Variants in NAV2 observed in about 807,000 individuals in gnomAD.
The protein encoded by NAV2 is neuron navigator 2.
A neutral mutation model predicts 223.2 loss-of-function variants in NAV2; 54 were observed. The observed-to-expected ratio is 0.24, with a 90% confidence interval of 0.19 to 0.30. The LOEUF (loss-of-function observed/expected upper bound fraction) is 0.30. Among genes scored for constraint, NAV2 ranks in the 10% least tolerant of loss-of-function variants. NAV2 has a pLI of 1.00. For synonymous variants in NAV2, 1,279 were observed against 1,239.3 expected, an observed-to-expected ratio of 1.03 and a Z score of -0.67; for missense variants, 2,806 against 3,147.5, an observed-to-expected ratio of 0.89 and a Z score of 2.60.
chr11:19,748,008 C>T (rs1358101554), intron 1 of NAV2, among the ~76,000 whole-genome samples: 1 of 152,160 alleles, frequency 6.6e-6, no homozygotes, highest in Admixed American at 6.6e-5. Flanking sequence ...GGCAGTTGAG[C>T]ATGGCATTAG....
At chr11:20,010,557 T>C (rs778204770) in intron 11 of NAV2, among the ~76,000 whole-genome samples, 2 of 152,192 alleles carry the variant, frequency 1.3e-5, no homozygotes, top group Non-Finnish European at 2.9e-5. Context: ...CCTCTCTGTC[T>C]CTTGGATTCC....
At chr11:19,413,190 G>A (rs1850219809) in intron 1 of NAV2, among the ~76,000 whole-genome samples, 2 of 152,132 alleles carry the variant, frequency 1.3e-5, no homozygotes, top group South Asian at 4.1e-4. Flanking sequence ...AAAAAGGTTA[G>A]AGGAATTGGT....
At chr11:20,055,704 C>T (rs2153612006) in intron 18 of NAV2, 65 bp from the exon 19 acceptor site, 5 of 1,447,150 alleles carry the variant, frequency 3.5e-6, no homozygotes, top group South Asian at 1.3e-5. Flanking sequence ...TTCTCTTTGT[C>T]CCCAACCAGG....
intron 1 of NAV2, among the ~76,000 whole-genome samples, chr11:19,547,929 C>T (rs745710129): frequency 1.2e-4 from 19 of 152,242 alleles, no homozygotes; most frequent in Middle Eastern, 3.4e-3. Context: ...TGGAACTTGG[C>T]GGACCCACAG....
intron 4 of NAV2, among the ~76,000 whole-genome samples, chr11:19,875,374 T>A (rs1295237915): frequency 6.6e-6 from 1 of 152,240 alleles, no homozygotes; most frequent in African/African-American, 2.4e-5. Context: ...GCCTGTGTTA[T>A]AATAAGGTGT....
At chr11:19,793,560 C>G (rs1390886344) in intron 1 of NAV2, among the ~76,000 whole-genome samples, 1 of 152,158 alleles carries the variant, frequency 6.6e-6, no homozygotes. Context: ...TAGCCTGGGC[C>G]TCTTGCACCT....
At chr11:19,884,269 C>A (rs745945080) in intron 5 of NAV2, 6 of 1,579,008 alleles carry the variant, frequency 3.8e-6, no homozygotes, top group Non-Finnish European at 5.2e-6. Flanking sequence ...TCAGCTCTTC[C>A]ACTTTTTTCT....
intron 1 of NAV2, among the ~76,000 whole-genome samples, chr11:19,552,319 G>A (rs1405116409): frequency 6.6e-6 from 1 of 152,212 alleles, no homozygotes; most frequent in Non-Finnish European, 1.5e-5. Context: ...GGCGTCTGCA[G>A]GGAATTCACA....
chr11:19,410,202 C>T (rs1253866772), intron 1 of NAV2, among the ~76,000 whole-genome samples: 4 of 152,158 alleles, frequency 2.6e-5, no homozygotes, highest in African/African-American at 7.2e-5. Flanking sequence ...GCCTTAACTG[C>T]GTTATAAAGG....
At chr11:19,916,327 C>G (rs562656257) in intron 6 of NAV2, among the ~76,000 whole-genome samples, 3 of 152,266 alleles carry the variant, frequency 2.0e-5, no homozygotes, top group Non-Finnish European at 4.4e-5. Flanking sequence ...CAAAGCATCA[C>G]AGGGTTTTCA....
intron 1 of NAV2, among the ~76,000 whole-genome samples, chr11:19,362,319 A>ATCTAATT (rs1041187812): frequency 6.6e-6 from 1 of 152,144 alleles, no homozygotes; most frequent in African/African-American, 2.4e-5. Flanking sequence ...CATTCCACTG[A>ATCTAATT]TCTAATTTCT....
At chr11:19,426,030 A>G (rs1259673112) in intron 1 of NAV2, among the ~76,000 whole-genome samples, 1 of 152,208 alleles carries the variant, frequency 6.6e-6, no homozygotes, top group Non-Finnish European at 1.5e-5. Flanking sequence ...ATTATGGGAT[A>G]TTTCCTGAAG....
At chr11:20,049,252 A>C in intron 15 of NAV2, 57 bp downstream of exon 15, 1 of 1,266,240 alleles carries the variant, frequency 7.9e-7, no homozygotes, top group Non-Finnish European at 1.1e-6. Flanking sequence ...AAAAATAAAA[A>C]GATTAGCTTA....
At chr11:19,598,793 TG>T (rs1195006168) in intron 1 of NAV2, among the ~76,000 whole-genome samples, 2 of 152,168 alleles carry the variant, frequency 1.3e-5, no homozygotes, top group East Asian at 3.9e-4. Flanking sequence ...GGGAAGGACT[TG>T]ACCCATTAGA....
chr11:19,714,210 A>G (rs1203105894), intron 1 of NAV2: 1 of 690,868 alleles, frequency 1.4e-6, no homozygotes, highest in East Asian at 2.8e-5. Flanking sequence ...CGTCTGCAGC[A>G]TCTTCCTGGG....
Position 19,933,988 on chromosome 11 carries a change from C to A in NAV2, c.1744C>A (p.Pro582Thr). The stretch of plus-strand genomic sequence containing the variant: ...CGGGAAATCCCCAAGTGCCCCAGCG[C>A]CTTCCAAGGAAGGGGAGCGGAGCCG... ...MPGKSPSAPAPSKEGERSRSG... is the reference protein window; with the variant it reads ...MPGKSPSAPATSKEGERSRSG... The change falls in exon 7 of 38, where the codon CCT becomes ACT. Residue 582 changes from proline (P) to threonine (T), a missense_variant. Around this residue, in one of 4 missense-constraint regions of NAV2, gnomAD observed 1,167 missense variants for 1,180.5 expected, o/e 0.99. Transcript: ENST00000349880. The surrounding 1 kb of genome is among the most constrained non-coding windows in gnomAD (Gnocchi z 4.3). 6.3e-7 allele frequency: 1 copy of A among 1,597,510 alleles called. No individual in the cohort carries two copies. The highest frequency in any genetic ancestry group is 8.5e-7 in the Non-Finnish European group (1 of 1,173,414).
chr11:19,705,789 C>T (rs2049645038), intron 1 of NAV2, among the ~76,000 whole-genome samples: 1 of 152,156 alleles, frequency 6.6e-6, no homozygotes, highest in South Asian at 2.1e-4. Flanking sequence ...ACGGGTTTTA[C>T]TTTGGCACTT....
intron 1 of NAV2, among the ~76,000 whole-genome samples, chr11:19,366,454 C>A (rs1236928353): frequency 6.6e-6 from 1 of 151,792 alleles, no homozygotes; most frequent in African/African-American, 2.4e-5. Flanking sequence ...CCTTGGGATG[C>A]TAGTTTGCAG....
rs745813860 is a variant in NAV2, at chr11:19,842,853, T to G, written c.386-18T>G. 8 of 1,613,602 alleles carry G rather than the reference T, an allele frequency of 5.0e-6. No individual in the cohort carries two copies. The highest frequency in any genetic ancestry group is 8.5e-7 in the Non-Finnish European group (1 of 1,179,550). On this transcript the variant is annotated intron_variant, in intron 2 of 37. Coordinates refer to ENST00000349880, the MANE Select transcript of NAV2 (RefSeq NM_145117.5). ...CTCTCTGGTGATTTATTTTTCTGAC[T>G]TGTGTTTCCTTTTTCAGCAAATGAA...
Sources: gnomAD v4.1 joint callset for allele counts (sites outside exome capture counted in the v4.1 genomes callset) on GRCh38, gnomAD v4.1.1 for gene constraint, gnomAD v4.1.1 regional missense constraint, Gnocchi (gnomAD v3.1) non-coding constraint, MANE v1.5 for transcripts, NCBI Gene and HGNC (gene_info 2026-07-23, HGNC 2026-07-21) for gene names.